The following ANLN variants were observed in gnomAD, a reference collection of about 807,000 sequenced individuals.
The protein encoded by ANLN is anillin, actin binding protein.
A neutral mutation model predicts 135.1 loss-of-function variants in ANLN; 59 were observed. The observed-to-expected ratio is 0.44, with a 90% CI of 0.35 to 0.54. ANLN has a LOEUF of 0.54. Among genes scored for constraint, ANLN ranks in the 20% least tolerant of loss-of-function variants. The pLI, the probability that ANLN is intolerant of heterozygous loss-of-function variation, is 0.00. For synonymous variants in ANLN, 406 were observed against 456.4 expected (o/e 0.89, Z 1.41); for missense variants, 1,182 against 1,340.0 (o/e 0.88, Z 1.84).
intron 8 of ANLN, 131 bp downstream of exon 8, chr7:36,416,015 C>T (rs2116631955): frequency 1.2e-6 from 1 of 807,718 alleles, no homozygotes; most frequent in Admixed American, 3.5e-5. Context: ...TTAGGGTTTT[C>T]TTTCTTTTTT....
chr7:36,391,767 A>G (rs1305710198), intron 1 of ANLN, among the ~76,000 whole-genome samples: 1 of 152,198 alleles, frequency 6.6e-6, no homozygotes, highest in Non-Finnish European at 1.5e-5. Flanking sequence ...GGATAATTCA[A>G]TGCCACCCTA....
At chr7:36,431,597 G>GTGTATATA (rs1306528982) in intron 20 of ANLN, among the ~76,000 whole-genome samples, 34 of 27,432 alleles carry the variant, frequency 1.2e-3, no homozygotes, top group African/African-American at 2.8e-3. Flanking sequence ...GTGTGTGTGT[G>GTGTATATA]TATATATATA....
intron 10 of ANLN, 74 bp from the exon 11 acceptor site, chr7:36,420,095 A>G: frequency 7.0e-7 from 1 of 1,431,532 alleles, no homozygotes; most frequent in Non-Finnish European, 9.5e-7. Flanking sequence ...TTAATGGAGA[A>G]TTCATTGATT....
Position 36,420,724 on chromosome 7 carries a change from A to G in ANLN, c.2143A>G (p.Asn715Asp). ...EKNNAFPCQV[N>D]IKQKMQELNN... The stretch of plus-strand genomic sequence containing the variant: ...AAATAATGCCTTTCCTTGTCAAGTT[A>G]ATATCAAACAGAAAATGCAGGTATG... The change falls in exon 12 of 24, where the codon AAT (asparagine) becomes GAT (aspartate). Residue 715 changes from asparagine (N) to aspartate (D), a missense_variant. Asn to Asp is a conservative substitution (Grantham distance 23). Transcript: ENST00000265748. 1 of 1,614,024 alleles carries G rather than the reference A, an allele frequency of 6.2e-7. No individual in the cohort carries two copies. Among genetic ancestry groups the G allele is most frequent in the Non-Finnish European group, 8.5e-7 (1 of 1,179,932 alleles).
At chr7:36,415,606 A>T in intron 7 of ANLN, 152 bp from the exon 8 acceptor site, 1 of 768,356 alleles carries the variant, frequency 1.3e-6, no homozygotes, top group Non-Finnish European at 1.9e-6. Context: ...GTTCTGAACA[A>T]GGCTGGGCCT....
chr7:36,430,323 G>A (rs1788262999), intron 20 of ANLN, among the ~76,000 whole-genome samples: 2 of 152,196 alleles, frequency 1.3e-5, no homozygotes, highest in Admixed American at 1.3e-4. Flanking sequence ...TTCTGTTGAG[G>A]TTAATCCAGT....
intron 21 of ANLN, among the ~76,000 whole-genome samples, chr7:36,440,403 CGCAGGTGAGG>C (rs1562819593): frequency 6.6e-6 from 1 of 152,014 alleles, no homozygotes; most frequent in Non-Finnish European, 1.5e-5. Flanking sequence ...ATCATTCTGG[CGCAGGTGAGG>C]GCAGATGCTA....
At chr7:36,422,180 A>G (rs1787902371) in intron 13 of ANLN, among the ~76,000 whole-genome samples, 188 bp downstream of exon 13, 1 of 152,244 alleles carries the variant, frequency 6.6e-6, no homozygotes, top group Non-Finnish European at 1.5e-5. Flanking sequence ...TTTGCATGAA[A>G]GGTAGAAGCA....
intron 20 of ANLN, among the ~76,000 whole-genome samples, chr7:36,434,503 C>G (rs1788447450): frequency 6.6e-6 from 1 of 152,190 alleles, no homozygotes; most frequent in African/African-American, 2.4e-5. Context: ...TTGCTTATGG[C>G]AAGGTTGCTC....
intron 22 of ANLN, 165 bp from the exon 23 acceptor site, chr7:36,449,500 C>T (rs986069876): frequency 1.1e-5 from 6 of 543,812 alleles, no homozygotes; most frequent in Middle Eastern, 1.0e-3. Flanking sequence ...TAGCTAGGAA[C>T]AATAATAAAT....
At chr7:36,435,669 C>A (rs913316042) in intron 20 of ANLN, among the ~76,000 whole-genome samples, 55 of 151,524 alleles carry the variant, frequency 3.6e-4, no homozygotes, top group Admixed American at 2.0e-4. Flanking sequence ...GTCAGGAGAT[C>A]GAGACCATCC....
At chr7:36,391,167 A>G (rs1466537678) in intron 1 of ANLN, among the ~76,000 whole-genome samples, 1 of 152,108 alleles carries the variant, frequency 6.6e-6, no homozygotes, top group Non-Finnish European at 1.5e-5. Context: ...AATTTTTTTC[A>G]CCTTCCTTAA....
At chr7:36,419,778 T>C (rs542964997) in intron 10 of ANLN, among the ~76,000 whole-genome samples, 79 of 152,346 alleles carry the variant, frequency 5.2e-4, no homozygotes, top group African/African-American at 1.9e-3. Context: ...CACCATTTCC[T>C]CTTATGTTAA....
Position 36,411,133 on chromosome 7 carries a change from A to G in ANLN, c.1362A>G (p.Gly454=). 6.2e-7 allele frequency: 1 copy of G among 1,608,702 alleles called. No homozygotes were observed. ...KGNIWSAEKG[G]NSKSKQLETK... ...ATATATGGAGTGCAGAAAAAGGCGG[A>G]AACTCAAAAAGCAAACAACTAGAAA... is the stretch of plus-strand genomic sequence containing the variant. Residue 454 remains glycine, a synonymous_variant, in exon 7 of 24, where the codon GGA becomes GGG. Transcript: ENST00000265748.
chr7:36,442,436 C>T (rs1029107568), intron 21 of ANLN, among the ~76,000 whole-genome samples: 3 of 152,250 alleles, frequency 2.0e-5, no homozygotes, highest in East Asian at 1.9e-4. Context: ...GCATCTGTGA[C>T]TGCTTCTGTG....
intron 20 of ANLN, among the ~76,000 whole-genome samples, chr7:36,436,110 T>G (rs1400508740): frequency 6.6e-6 from 1 of 152,170 alleles, no homozygotes; most frequent in East Asian, 1.9e-4. Flanking sequence ...TTAAGCAGTC[T>G]TTGCCCATCT....
intron 21 of ANLN, among the ~76,000 whole-genome samples, chr7:36,441,151 G>A (rs1276566503): frequency 6.6e-6 from 1 of 152,078 alleles, no homozygotes; most frequent in East Asian, 1.9e-4. Context: ...TTCTTTTCAT[G>A]TAAACATTTT....
Position 36,452,502 on chromosome 7 carries a change from G to A in ANLN, c.3277G>A (p.Glu1093Lys). 1 of 1,614,054 alleles carries A rather than the reference G, an allele frequency of 6.2e-7. No individual in the cohort carries two copies. The highest frequency in any genetic ancestry group is 8.5e-7 in the Non-Finnish European group (1 of 1,179,926). The change falls in exon 24 of 24, where the codon GAA becomes AAA. Residue 1093 changes from glutamate to lysine, a missense_variant. Around this residue, in one of 3 missense-constraint regions of ANLN, gnomAD observed 78 missense variants for 72.7 expected, o/e 1.07. Coordinates refer to ENST00000265748, the MANE Select transcript of ANLN (RefSeq NM_018685.5). Reference protein sequence around the residue: ...TKNWLSADTKEERDLWMQKLN... With the variant: ...TKNWLSADTKKERDLWMQKLN... ...GAACTGGCTGTCTGCAGATACTAAA[G>A]AAGAGCGGGATCTCTGGATGCAAAA... is the stretch of plus-strand genomic sequence containing the variant.
chr7:36,395,978 A>G (rs1786677941), intron 1 of ANLN, among the ~76,000 whole-genome samples: 1 of 152,202 alleles, frequency 6.6e-6, no homozygotes, highest in Non-Finnish European at 1.5e-5. Context: ...CCCAGATTCA[A>G]GGGTGAAGAA....
Sources: allele counts gnomAD v4.1 joint callset (sites outside exome capture counted in the v4.1 genomes callset), GRCh38; gene constraint gnomAD v4.1.1; regional missense constraint gnomAD v4.1.1; transcripts MANE v1.5; gene names NCBI Gene and HGNC (gene_info 2026-07-23, HGNC 2026-07-21).